SPDYE14: variants seen among roughly 807,000 people sequenced by gnomAD.
The protein encoded by SPDYE14 is speedy/RINGO cell cycle regulator family member E14.
At chr7:75,247,442 G>GAGAAAGAAAGAA in the SPDYE14 span, among the ~76,000 whole-genome samples, 5 of 69,114 alleles carry the variant, frequency 7.2e-5, no homozygotes, top group East Asian at 1.1e-3. Context: ...GAGAGAGAAA[G>GAGAAAGAAAGAA]AGAAAGAAAG....
chr7:75,265,061 TCCCCTTCCCCTTCCTCTC>T, the SPDYE14 span, among the ~76,000 whole-genome samples: 1 of 44,862 alleles, frequency 2.2e-5, no homozygotes, highest in Non-Finnish European at 4.9e-5. Context: ...TCCATTCCCT[TCCCCTTCCCCTTCCTCTC>T]CCCCTTCCCC....
chr7:75,237,638 G>A, the SPDYE14 span: 1 of 58,804 alleles, frequency 1.7e-5, no homozygotes, highest in African/African-American at 4.2e-5. Context: ...GCAGCCGAGG[G>A]GCCGAGCGGC....
At chr7:75,273,456 A>T in the SPDYE14 span, among the ~76,000 whole-genome samples, 1 of 59,012 alleles carries the variant, frequency 1.7e-5, no homozygotes, top group African/African-American at 4.0e-5. Context: ...GAATGGCTTG[A>T]ACCCAGGAGA....
chr7:75,275,381 C>G, the SPDYE14 span, among the ~76,000 whole-genome samples: 1 of 49,362 alleles, frequency 2.0e-5, no homozygotes, highest in Non-Finnish European at 5.3e-5. Flanking sequence ...TTGTTCTGCA[C>G]TAAGAAAAAT....
the SPDYE14 span, among the ~76,000 whole-genome samples, chr7:75,254,290 T>G: frequency 8.4e-5 from 3 of 35,762 alleles, 1 homozygote; most frequent in Non-Finnish European, 2.0e-4. Context: ...ATTCCTATGG[T>G]CATGCCCAGA....
the SPDYE14 span, among the ~76,000 whole-genome samples, chr7:75,245,390 C>T: frequency 2.5e-5 from 3 of 120,264 alleles, no homozygotes; most frequent in Non-Finnish European, 5.1e-5. Context: ...CACTGCACTC[C>T]AGCCTGGGTG....
At chr7:75,251,510 CTGTGTGTGTGTGTGTGTGTG>C in the SPDYE14 span, among the ~76,000 whole-genome samples, 1 of 55,492 alleles carries the variant, frequency 1.8e-5, no homozygotes, top group African/African-American at 1.2e-4. Flanking sequence ...CTAATTTTGT[CTGTGTGTGTGTGTGTGTGTG>C]TGTGTGTGTG....
the SPDYE14 span, among the ~76,000 whole-genome samples, chr7:75,275,739 TAA>T: frequency 0.099 from 1,440 of 14,558 alleles, 300 homozygotes; most frequent in African/African-American, 0.2. Flanking sequence ...AAAAATAAAT[TAA>T]AAAAAAAAAA....
At chr7:75,249,878 T>C in the SPDYE14 span, among the ~76,000 whole-genome samples, 1 of 120,544 alleles carries the variant, frequency 8.3e-6, no homozygotes, top group African/African-American at 3.4e-5. Context: ...CCATGTTGGC[T>C]AGGCTGGTCT....
the SPDYE14 span, among the ~76,000 whole-genome samples, chr7:75,249,578 TTTCCTTCCTTCCTTCC>T: frequency 1.4e-3 from 82 of 60,256 alleles, no homozygotes; most frequent in African/African-American, 1.7e-3. Context: ...TCCTTCCTTC[TTTCCTTCCTTCCTTCC>T]TTCCTTCCTT....
the SPDYE14 span, chr7:75,237,657 G>T: frequency 1.2e-5 from 1 of 86,352 alleles, no homozygotes; most frequent in African/African-American, 3.3e-5. Context: ...GCGGAGCAGC[G>T]GCGCGCGGCG....
the SPDYE14 span, among the ~76,000 whole-genome samples, chr7:75,271,254 A>G: frequency 2.0e-5 from 1 of 51,112 alleles, no homozygotes; most frequent in African/African-American, 4.6e-5. Flanking sequence ...ATGGTGGTGC[A>G]TGCCTGTAGT....
At chr7:75,275,076 G>A in the SPDYE14 span, among the ~76,000 whole-genome samples, 7 of 55,674 alleles carry the variant, frequency 1.3e-4, no homozygotes, top group East Asian at 1.0e-3. Context: ...CCCCCCGCCC[G>A]GCCAGCCGCC....
the SPDYE14 span, among the ~76,000 whole-genome samples, chr7:75,239,335 C>G: frequency 7.0e-5 from 1 of 14,324 alleles, no homozygotes; most frequent in Non-Finnish European, 1.5e-4. Context: ...CGGAATCTTG[C>G]TCCATCACCC....
the SPDYE14 span, among the ~76,000 whole-genome samples, chr7:75,265,316 T>C: frequency 1.2e-5 from 1 of 84,906 alleles, no homozygotes; most frequent in Non-Finnish European, 2.3e-5. Flanking sequence ...ATGATGTTGG[T>C]CAGGATAATC....
chr7:75,265,965 C>A, the SPDYE14 span, among the ~76,000 whole-genome samples: 1 of 52,380 alleles, frequency 1.9e-5, no homozygotes, highest in Non-Finnish European at 4.2e-5. Flanking sequence ...GCCTGGGTGA[C>A]AGAGTGAGAC....
At chr7:75,257,438 T>TG in the SPDYE14 span, among the ~76,000 whole-genome samples, 1 of 47,466 alleles carries the variant, frequency 2.1e-5, no homozygotes, top group Non-Finnish European at 4.5e-5. Context: ...TTGGTGCCCG[T>TG]GGGTACATTG....
the SPDYE14 span, among the ~76,000 whole-genome samples, chr7:75,261,229 C>T: frequency 2.7e-5 from 2 of 73,602 alleles, no homozygotes; most frequent in African/African-American, 3.3e-5. Flanking sequence ...TTTGTGGCCC[C>T]TCTGTGAATG....
chr7:75,276,588 A>C, the SPDYE14 span, among the ~76,000 whole-genome samples: 2 of 42,748 alleles, frequency 4.7e-5, 1 homozygote, highest in Non-Finnish European at 1.2e-4. Context: ...CAAAAAAAAA[A>C]AAAAAAAAAC....
Sources: gnomAD v4.1 joint callset for allele counts (sites outside exome capture counted in the v4.1 genomes callset) on GRCh38, gnomAD v4.1.1 for gene constraint, MANE v1.5 for transcripts, NCBI Gene and HGNC (gene_info 2026-07-23, HGNC 2026-07-21) for gene names.